HEATR5A: variants seen among roughly 807,000 people sequenced by gnomAD.
HEATR5A encodes the protein HEAT repeat-containing protein 5A.
In HEATR5A, 178 loss-of-function variants were observed where a neutral mutation model predicts 218.8. The ratio of observed to expected loss-of-function variants is 0.81; its 90% confidence interval spans 0.72 to 0.92. The LOEUF is 0.92. HEATR5A is among the 40% of genes least tolerant of loss of function. The pLI is 0.00. For missense variants in HEATR5A, 2,420 were observed against 2,418.9 expected (o/e 1.00, Z -0.01); for synonymous variants, 864 against 871.6 (o/e 0.99, Z 0.15).
intron 1 of HEATR5A, among the ~76,000 whole-genome samples, chr14:31,415,336 C>G (rs762005145): frequency 1.3e-5 from 2 of 152,226 alleles, no homozygotes; most frequent in Non-Finnish European, 2.9e-5. Context: ...TGCCTTCTGA[C>G]TGCCACTTTC....
intron 23 of HEATR5A, among the ~76,000 whole-genome samples, chr14:31,324,595 A>T (rs1900205450): frequency 6.6e-6 from 1 of 152,178 alleles, no homozygotes; most frequent in Non-Finnish European, 1.5e-5. Context: ...GATAAAATTG[A>T]GCAAGCTCAG....
chr14:31,299,650 G>A (rs1394316083), intron 33 of HEATR5A, among the ~76,000 whole-genome samples: 3 of 152,050 alleles, frequency 2.0e-5, no homozygotes. Context: ...TTGAACCTGG[G>A]AGGCAGAGGT....
chr14:31,374,980 T>TGGG lies in HEATR5A; in HGVS notation c.1709-13_1709-12insCCC. 6 of 1,588,060 alleles carry TGGG rather than the reference T, an allele frequency of 3.8e-6. No individual in the cohort carries two copies. Among genetic ancestry groups the TGGG allele is most frequent in the Non-Finnish European group, 5.1e-6 (6 of 1,168,302 alleles). On this transcript the variant is annotated splice_polypyrimidine_tract_variant and intron_variant, in intron 11 of 35. Coordinates refer to ENST00000543095, the MANE Select transcript of HEATR5A (RefSeq NM_015473.4). ...AACAACTGCAGGACCTGTAATTTAT[T>TGGG]CAACTTGTCACTTGTAAGAGAATCC...
At chr14:31,412,875 A>C (rs993060230) in intron 1 of HEATR5A, among the ~76,000 whole-genome samples, 1 of 152,106 alleles carries the variant, frequency 6.6e-6, no homozygotes, top group African/African-American at 2.4e-5. Flanking sequence ...ACTCCATCTC[A>C]AAAAAAATTT....
chr14:31,339,187 G>A (rs1231356231), intron 21 of HEATR5A, among the ~76,000 whole-genome samples: 1 of 149,730 alleles, frequency 6.7e-6, no homozygotes, highest in Non-Finnish European at 1.5e-5. Flanking sequence ...GAAGAGGGCT[G>A]GGCATGATGG....
intron 22 of HEATR5A, among the ~76,000 whole-genome samples, chr14:31,334,029 C>A (rs1333165910): frequency 1.4e-4 from 16 of 111,934 alleles, no homozygotes. Context: ...CAGAGACAGA[C>A]CCTGTCTCAA....
Position 31,302,397 on chromosome 14 carries a change from C to A in HEATR5A, c.5362G>T (p.Gly1788Ter). The A allele has an allele frequency of 1.2e-6, 2 of 1,600,664 alleles. No homozygotes were observed. The highest frequency in any genetic ancestry group is 2.2e-5 in the East Asian group (1 of 44,536). ...TVAASLQALK[G>*]ILSSPMARAE... is the part of the protein sequence containing the mutation. ...CGGGCCATGGGAGAAGATAATATTCCTTTTAGAGCCTGTAGGGAAGCTGCA... is the reference window on the plus strand; with the variant it reads ...CGGGCCATGGGAGAAGATAATATTCATTTTAGAGCCTGTAGGGAAGCTGCA... Residue 1788 changes from glycine to a stop codon, truncating the protein, a stop_gained, in exon 33 of 36, where the codon GGA becomes TGA. Transcript: ENST00000543095. LOFTEE classifies it high-confidence loss of function.
intron 1 of HEATR5A, among the ~76,000 whole-genome samples, chr14:31,413,576 G>A (rs1351348336): frequency 1.3e-5 from 2 of 151,954 alleles, no homozygotes; most frequent in Non-Finnish European, 2.9e-5. Context: ...CTGGGGGGTG[G>A]GAGGGGATAA....
At position 31,348,032 on chromosome 14, in the gene HEATR5A, C is replaced by T. The variant is rs1207549621; in HGVS notation, c.2709-125G>A. 1.5e-5 allele frequency: 8 copies of T among 516,850 alleles called. No homozygotes were observed. The African/African-American group carries it at 1.6e-4, about 10-fold the overall frequency. 32.0% of individuals were successfully genotyped at this position (516,850 alleles called of 1,614,324 possible). A position where few individuals can be genotyped will look rare whatever the true frequency, so the allele number is the denominator to read the frequency against. ...TGGATAGTTGCAAAATTTAGAAATACATTTTTGGCTAACTAATAAAAACTT... is the reference window on the plus strand; with the variant it reads ...TGGATAGTTGCAAAATTTAGAAATATATTTTTGGCTAACTAATAAAAACTT... On this transcript the variant is annotated intron_variant, in intron 18 of 35. Coordinates refer to ENST00000543095, the MANE Select transcript of HEATR5A (RefSeq NM_015473.4).
rs376959116 is a variant in HEATR5A at position 31,395,616 on chromosome 14, T to C, written c.448-268A>G. On this transcript the variant is annotated intron_variant, in intron 4 of 35. Coordinates refer to ENST00000543095, the MANE Select transcript of HEATR5A (RefSeq NM_015473.4). ...ACATGAAAAGTGCCTAGCAAAAAGC[T>C]TACATGCCATTAAGCATTCAATAAA... 1.2e-4 allele frequency among the ~76,000 whole-genome samples: 18 copies of C among 152,338 alleles called. No individual in the cohort carries two copies. In the East Asian group the frequency reaches 3.1e-3, roughly 26 times the overall value.
At chr14:31,406,269 A>C (rs1035526381) in intron 1 of HEATR5A, among the ~76,000 whole-genome samples, 1 of 152,132 alleles carries the variant, frequency 6.6e-6, no homozygotes, top group African/African-American at 2.4e-5. Flanking sequence ...ATTTCCTACA[A>C]GTAAACACAT....
chr14:31,334,669 G>A (rs984621646), intron 22 of HEATR5A, among the ~76,000 whole-genome samples: 17 of 152,314 alleles, frequency 1.1e-4, no homozygotes, highest in African/African-American at 4.1e-4. Flanking sequence ...ATGGCCAGCC[G>A]GGTGTGGTGG....
In HEATR5A at chr14:31,345,077, C is replaced by G; in HGVS notation, c.3058+10G>C. Reference sequence around the variant, plus strand: ...TTAATGTAAAACATCACAAAAGCAGCTATGCACACCTTGTAGCTCTGGACC... The same window carrying G: ...TTAATGTAAAACATCACAAAAGCAGGTATGCACACCTTGTAGCTCTGGACC... On this transcript the variant is annotated intron_variant, in intron 20 of 35. Coordinates refer to ENST00000543095, the MANE Select transcript of HEATR5A (RefSeq NM_015473.4). The G allele has an allele frequency of 6.3e-7, 1 of 1,597,632 alleles. No individual in the cohort carries two copies.
Position 31,349,802 on chromosome 14 carries a change from C to T in HEATR5A, c.2695G>A (p.Val899Ile). ...DGAFTAGLAQ[V>I]SFDKLKSARD... ...AAATTCACTTACTTGTCAAAGCTAACTTGAGCTAATCCAGCAGTAAAAGCT... is the reference window on the plus strand; with the variant it reads ...AAATTCACTTACTTGTCAAAGCTAATTTGAGCTAATCCAGCAGTAAAAGCT... Residue 899 changes from valine (V) to isoleucine (I), a missense_variant, in exon 18 of 36, where the codon GTT becomes ATT. Physicochemically the swap from Val to Ile is conservative, Grantham distance 29. Transcript: ENST00000543095. 4 of 1,611,408 alleles carry T rather than the reference C, an allele frequency of 2.5e-6. No homozygotes were observed. The highest frequency in any genetic ancestry group is 2.5e-6 in the Non-Finnish European group (3 of 1,177,882).
intron 16 of HEATR5A, among the ~76,000 whole-genome samples, chr14:31,356,619 A>G (rs1901436220): frequency 1.3e-5 from 2 of 152,232 alleles, no homozygotes; most frequent in South Asian, 4.1e-4. Flanking sequence ...GTTTGCTTTT[A>G]TCTGTTCTCA....
chr14:31,327,357 A>C (rs1900305572), intron 22 of HEATR5A, among the ~76,000 whole-genome samples: 1 of 139,948 alleles, frequency 7.1e-6, no homozygotes, highest in East Asian at 2.2e-4. Context: ...GCAGTGGCAT[A>C]ATCTTGGCTC....
chr14:31,407,440 T>C (rs1409244570), intron 1 of HEATR5A, among the ~76,000 whole-genome samples: 2 of 152,104 alleles, frequency 1.3e-5, no homozygotes, highest in African/African-American at 4.8e-5. Context: ...TTTAATTAGG[T>C]TAATGTATAT....
At chr14:31,319,715 T>C (rs889868816) in intron 25 of HEATR5A, among the ~76,000 whole-genome samples, 8 of 152,172 alleles carry the variant, frequency 5.3e-5, no homozygotes, top group African/African-American at 1.9e-4. Flanking sequence ...ACCAGTCAAA[T>C]AATCAGTTAA....
Position 31,403,053 on chromosome 14 carries a change from C to A in HEATR5A, c.-74-4G>T. ...CAATATACCTAACAATAAAAATCTG[C>A]AATACAGGAAAATAATGTATTTTAA... On this transcript the variant is annotated splice_region_variant and splice_polypyrimidine_tract_variant and intron_variant, in intron 1 of 35. Coordinates refer to ENST00000543095, the MANE Select transcript of HEATR5A (RefSeq NM_015473.4). 3 of 1,283,876 alleles carry A rather than the reference C, an allele frequency of 2.3e-6. No homozygotes were observed. The highest frequency in any genetic ancestry group is 1.7e-5 in the South Asian group (1 of 57,440). 79.5% of individuals were successfully genotyped at this position (1,283,876 alleles called of 1,614,324 possible).
Sources: gnomAD v4.1 joint callset for allele counts (sites outside exome capture counted in the v4.1 genomes callset) on GRCh38, gnomAD v4.1.1 for gene constraint, MANE v1.5 for transcripts, NCBI Gene and HGNC (gene_info 2026-07-23, HGNC 2026-07-21) for gene names.